TNKS: variants seen among roughly 807,000 people sequenced by gnomAD.
TNKS encodes the protein tankyrase.
In TNKS, 72 loss-of-function variants were observed where a neutral mutation model predicts 135.8. The ratio of observed to expected loss-of-function variants is 0.53; its 90% CI spans 0.44 to 0.64. The LOEUF is 0.64. Ranked by LOEUF, TNKS falls within the 30% of genes least tolerant of loss-of-function variation. The pLI, the probability that TNKS is intolerant of heterozygous loss-of-function variation, is 0.00. For missense variants in TNKS, 1,769 were observed against 1,674.0 expected, an observed-to-expected ratio of 1.06 and a Z score of -0.99; for synonymous variants, 849 against 649.3, an observed-to-expected ratio of 1.31 and a Z score of -4.68.
At position 9,690,730 on chromosome 8, in the gene TNKS, A is replaced by C. The variant is rs541896951; in HGVS notation, c.1107+9930A>C. On this transcript the variant is annotated intron_variant, in intron 5 of 26. Coordinates refer to ENST00000310430, the MANE Select transcript of TNKS (RefSeq NM_003747.3). ...AATAAATAAATAAATAATGTTTACT[A>C]TTTGTGGCAACTTGAATTACAGAAA... Among the ~76,000 whole-genome samples the C allele has an allele frequency of 4.6e-5, 7 of 152,340 alleles. 1 individual carries two copies. The highest frequency in any genetic ancestry group is 1.7e-4 in the African/African-American group (7 of 41,574).
At position 9,770,259 on chromosome 8, in the gene TNKS, A is replaced by G; in HGVS notation, c.3894A>G (p.Glu1298=). 1.2e-6 allele frequency: 2 copies of G among 1,610,408 alleles called. No individual in the cohort carries two copies. ...AYAEYVIYRG[E]QAYPEYLITY... ...CTGAATATGTCATCTACAGAGGAGA[A>G]CAGGTATGTTACTCATCAAACAAGC... Residue 1298 remains glutamate (E), a synonymous_variant, in exon 26 of 27, where the codon GAA becomes GAG. Coordinates refer to ENST00000310430, the MANE Select transcript of TNKS (RefSeq NM_003747.3).
intron 3 of TNKS, among the ~76,000 whole-genome samples, chr8:9,617,273 C>T (rs755941168): frequency 2.0e-5 from 3 of 152,144 alleles, no homozygotes; most frequent in Non-Finnish European, 4.4e-5. Context: ...TCCTGGAGGA[C>T]AGATATCACA....
At chr8:9,613,004 A>G (rs938616688) in intron 2 of TNKS, among the ~76,000 whole-genome samples, 21 of 152,250 alleles carry the variant, frequency 1.4e-4, no homozygotes, top group Admixed American at 2.6e-4. Context: ...CTTCCCATTG[A>G]GTGGGCTGAG....
At chr8:9,593,256 CTG>C (rs1369088437) in intron 2 of TNKS, among the ~76,000 whole-genome samples, 1 of 152,130 alleles carries the variant, frequency 6.6e-6, no homozygotes, top group African/African-American at 2.4e-5. Context: ...TATTTGTGTC[CTG>C]TGTGTGAGGC....
intron 3 of TNKS, among the ~76,000 whole-genome samples, chr8:9,672,654 TAAAA>T (rs746763150): frequency 6.5e-4 from 28 of 42,834 alleles, no homozygotes; most frequent in African/African-American, 1.9e-3. Context: ...ACTGTGATGG[TAAAA>T]AAAAAAAAAA....
intron 2 of TNKS, among the ~76,000 whole-genome samples, chr8:9,585,299 G>T (rs1270441701): frequency 6.6e-6 from 1 of 151,752 alleles, no homozygotes; most frequent in Admixed American, 6.6e-5. Flanking sequence ...ATAAATCTGG[G>T]AACATCAACG....
At chr8:9,658,303 C>T in intron 3 of TNKS, 1 of 499,494 alleles carries the variant, frequency 2.0e-6, no homozygotes, top group South Asian at 4.1e-5. Context: ...TGCTCCTTGC[C>T]CTCGGGCCCC....
intron 3 of TNKS, among the ~76,000 whole-genome samples, chr8:9,657,632 C>A (rs1182774711): frequency 0.015 from 1,172 of 79,280 alleles, 35 homozygotes; most frequent in African/African-American, 0.056. Flanking sequence ...CTGGACGGGG[C>A]GGCTGGCCGG....
chr8:9,674,426 G>A (rs918022690), intron 3 of TNKS, among the ~76,000 whole-genome samples: 3 of 152,140 alleles, frequency 2.0e-5, no homozygotes, highest in Non-Finnish European at 2.9e-5. Context: ...TTATGTTTTG[G>A]TAGTGATAAT....
At chr8:9,559,345 C>A (rs906866280) in intron 1 of TNKS, among the ~76,000 whole-genome samples, 1 of 152,068 alleles carries the variant, frequency 6.6e-6, no homozygotes, top group East Asian at 1.9e-4. Context: ...TGAGCCCAAG[C>A]TAGCCAAGCA....
intron 2 of TNKS, among the ~76,000 whole-genome samples, chr8:9,607,857 ACACT>A (rs1799290552): frequency 6.6e-6 from 1 of 152,104 alleles, no homozygotes; most frequent in African/African-American, 2.4e-5. Flanking sequence ...CTAATGTGAA[ACACT>A]CCTTTTTTTT....
intron 18 of TNKS, 29 bp from the exon 19 acceptor site, chr8:9,751,580 A>C: frequency 6.3e-7 from 1 of 1,591,082 alleles, no homozygotes; most frequent in East Asian, 2.2e-5. Context: ...TAGTATTTTC[A>C]TGGTTTTTGT....
intron 3 of TNKS, among the ~76,000 whole-genome samples, chr8:9,662,683 T>C (rs1282454885): frequency 2.6e-5 from 4 of 152,164 alleles, no homozygotes; most frequent in East Asian, 1.9e-4. Context: ...CAACATGGCA[T>C]ATGTATACAT....
At chr8:9,727,361 C>T (rs1805213052) in intron 13 of TNKS, among the ~76,000 whole-genome samples, 1 of 152,060 alleles carries the variant, frequency 6.6e-6, no homozygotes, top group African/African-American at 2.4e-5. Context: ...CACACATTTC[C>T]CATCTATAAT....
At chr8:9,643,602 C>A (rs1254631686) in intron 3 of TNKS, among the ~76,000 whole-genome samples, 1 of 152,120 alleles carries the variant, frequency 6.6e-6, no homozygotes, top group African/African-American at 2.4e-5. Flanking sequence ...ACAACAACCA[C>A]CACCACCACC....
At chr8:9,584,125 C>T (rs762645361) in intron 2 of TNKS, among the ~76,000 whole-genome samples, 1 of 143,494 alleles carries the variant, frequency 7.0e-6, no homozygotes, top group Non-Finnish European at 1.5e-5. Flanking sequence ...GATTACACCA[C>T]TGCACTCCAG....
At chr8:9,686,235 A>G (rs953475138) in intron 5 of TNKS, among the ~76,000 whole-genome samples, 4 of 152,186 alleles carry the variant, frequency 2.6e-5, no homozygotes, top group Non-Finnish European at 5.9e-5. Context: ...AGGCAGCCCA[A>G]GCAGCCATGT....
At chr8:9,629,147 A>G (rs930628303) in intron 3 of TNKS, among the ~76,000 whole-genome samples, 6 of 152,340 alleles carry the variant, frequency 3.9e-5, no homozygotes, top group South Asian at 2.1e-4. Context: ...CTGGCCTGCA[A>G]TGAGGTAAGG....
At chr8:9,558,525 C>T (rs1702003781) in intron 1 of TNKS, 2 of 152,132 alleles carry the variant, frequency 1.3e-5, no homozygotes, top group Admixed American at 1.3e-4. Context: ...TGTCATTTCT[C>T]ACCATCCCAC....
Sources: allele counts gnomAD v4.1 joint callset (sites outside exome capture counted in the v4.1 genomes callset), GRCh38; gene constraint gnomAD v4.1.1; transcripts MANE v1.5; gene names NCBI Gene and HGNC (gene_info 2026-07-23, HGNC 2026-07-21).